AKAP19: variants seen among roughly 807,000 people sequenced by gnomAD.
AKAP19 encodes the protein small A-kinase anchoring protein.
At chr2:190,190,838 G>A in the AKAP19 span, among the ~76,000 whole-genome samples, 3 of 152,022 alleles carry the variant, frequency 2.0e-5, no homozygotes, top group Non-Finnish European at 4.4e-5. Context: ...GAATTTTAAC[G>A]CATGTTTAGA....
chr2:189,956,568 T>C, the AKAP19 span, among the ~76,000 whole-genome samples: 2 of 151,962 alleles, frequency 1.3e-5, no homozygotes, highest in African/African-American at 2.4e-5. Flanking sequence ...TTACATCATA[T>C]ACATATAAGA....
chr2:190,164,539 A>G, the AKAP19 span, among the ~76,000 whole-genome samples: 8 of 152,202 alleles, frequency 5.3e-5, no homozygotes, highest in Non-Finnish European at 1.2e-4. Flanking sequence ...CAAATAAATA[A>G]ATAAGTAAGT....
At chr2:190,098,140 T>G in the AKAP19 span, among the ~76,000 whole-genome samples, 1 of 152,170 alleles carries the variant, frequency 6.6e-6, no homozygotes, top group Non-Finnish European at 1.5e-5. Flanking sequence ...GCATCTCGAA[T>G]GGTGAATTCT....
At chr2:190,115,140 AGTGTGTGTGTGTGAGT>A in the AKAP19 span, among the ~76,000 whole-genome samples, 3 of 123,834 alleles carry the variant, frequency 2.4e-5, no homozygotes, top group Non-Finnish European at 3.5e-5. Flanking sequence ...AGAGAGAAAG[AGTGTGTGTGTGTGAGT>A]GTGTGTGTGT....
At chr2:190,140,259 T>G in the AKAP19 span, among the ~76,000 whole-genome samples, 1 of 152,156 alleles carries the variant, frequency 6.6e-6, no homozygotes, top group African/African-American at 2.4e-5. Context: ...CTGTGGCTTT[T>G]CCAGATACAC....
chr2:190,024,689 G>T, the AKAP19 span, among the ~76,000 whole-genome samples: 2 of 152,078 alleles, frequency 1.3e-5, no homozygotes, highest in Non-Finnish European at 2.9e-5. Context: ...GCTGATTCTA[G>T]GGTAAACTGT....
chr2:190,029,018 C>T, the AKAP19 span, among the ~76,000 whole-genome samples: 2 of 151,300 alleles, frequency 1.3e-5, no homozygotes, highest in South Asian at 2.1e-4. Flanking sequence ...AGGAGATATT[C>T]GAGTGTGGTG....
the AKAP19 span, among the ~76,000 whole-genome samples, chr2:190,068,614 C>T: frequency 1.3e-5 from 2 of 152,180 alleles, no homozygotes; most frequent in African/African-American, 4.8e-5. Context: ...GGATTACAGA[C>T]GTGAGCCACT....
chr2:190,143,357 T>G, the AKAP19 span, among the ~76,000 whole-genome samples: 1 of 151,430 alleles, frequency 6.6e-6, no homozygotes, highest in Admixed American at 6.6e-5. Flanking sequence ...TTCCCTGTGC[T>G]TGAAATGTCC....
chr2:189,981,055 AT>A, the AKAP19 span, among the ~76,000 whole-genome samples: 1 of 152,174 alleles, frequency 6.6e-6, no homozygotes, highest in Non-Finnish European at 1.5e-5. Flanking sequence ...CAAGAGTCCA[AT>A]TTAAGTCCAG....
At chr2:189,967,573 A>G in the AKAP19 span, among the ~76,000 whole-genome samples, 1 of 152,352 alleles carries the variant, frequency 6.6e-6, no homozygotes, top group South Asian at 2.1e-4. Context: ...AGAGATTATT[A>G]TGAGAGAATG....
the AKAP19 span, among the ~76,000 whole-genome samples, chr2:189,902,974 A>C: frequency 6.6e-6 from 1 of 152,030 alleles, no homozygotes; most frequent in Non-Finnish European, 1.5e-5. Flanking sequence ...CTGACTAGCC[A>C]GTGGGAGATG....
the AKAP19 span, among the ~76,000 whole-genome samples, chr2:190,003,615 G>A: frequency 6.6e-6 from 1 of 152,100 alleles, no homozygotes; most frequent in African/African-American, 2.4e-5. Flanking sequence ...TGTAATTCCA[G>A]CACTTTGGGA....
the AKAP19 span, among the ~76,000 whole-genome samples, chr2:189,955,995 A>T: frequency 2.1e-4 from 32 of 152,054 alleles, no homozygotes; most frequent in Non-Finnish European, 4.3e-4. Flanking sequence ...AAAAATTGTA[A>T]GTTTTATGTT....
At chr2:189,981,342 C>T in the AKAP19 span, among the ~76,000 whole-genome samples, 1 of 151,358 alleles carries the variant, frequency 6.6e-6, no homozygotes, top group African/African-American at 2.4e-5. Flanking sequence ...TAGCCACCCC[C>T]ACTTATTTAT....
At chr2:189,952,031 TC>T in the AKAP19 span, among the ~76,000 whole-genome samples, 1 of 152,142 alleles carries the variant, frequency 6.6e-6, no homozygotes, top group South Asian at 2.1e-4. Context: ...TCCACTGGTT[TC>T]CCCCATATAT....
the AKAP19 span, among the ~76,000 whole-genome samples, chr2:190,078,330 A>G: frequency 6.6e-6 from 1 of 152,038 alleles, no homozygotes; most frequent in Non-Finnish European, 1.5e-5. Flanking sequence ...CTTATATTTT[A>G]CCCTATGTTC....
chr2:189,996,370 T>C, the AKAP19 span, among the ~76,000 whole-genome samples: 1 of 152,220 alleles, frequency 6.6e-6, no homozygotes, highest in Admixed American at 6.5e-5. Flanking sequence ...TTTCTTCTAC[T>C]TGTTCTAGTC....
chr2:190,145,886 T>TAA, the AKAP19 span, among the ~76,000 whole-genome samples: 132 of 130,238 alleles, frequency 1.0e-3, no homozygotes, highest in African/African-American at 2.5e-3. Context: ...TATATATATA[T>TAA]AAAGAGATTC....
Sources: allele counts gnomAD v4.1 joint callset (sites outside exome capture counted in the v4.1 genomes callset), GRCh38; gene constraint gnomAD v4.1.1; transcripts MANE v1.5; gene names NCBI Gene and HGNC (gene_info 2026-07-23, HGNC 2026-07-21).